The following LRP6 variants were observed in gnomAD, a reference collection of about 807,000 sequenced individuals.
The protein encoded by LRP6 is low-density lipoprotein receptor-related protein 6.
LRP6 carries 43 observed loss-of-function variants against 184.1 expected under a neutral mutation model. The observed-to-expected ratio is 0.23, with a 90% CI of 0.18 to 0.30. The LOEUF is 0.30. LRP6 is among the 10% of genes least tolerant of loss of function. The probability of loss-of-function intolerance (pLI) is 1.00; values close to 1 mark genes in which losing one functional copy is unlikely to be tolerated. For synonymous variants in LRP6, 719 were observed against 684.9 expected (o/e 1.05, Z -0.78); for missense variants, 1,571 against 2,005.3 (o/e 0.78, Z 4.14).
intron 1 of LRP6, among the ~76,000 whole-genome samples, chr12:12,251,765 T>C (rs1353608422): frequency 1.3e-5 from 2 of 152,330 alleles, no homozygotes; most frequent in East Asian, 3.9e-4. Flanking sequence ...CAGAATTTCC[T>C]GTGCTTAATG....
intron 2 of LRP6, among the ~76,000 whole-genome samples, chr12:12,237,912 G>GAATTAA (rs1864964677): frequency 6.6e-6 from 1 of 152,196 alleles, no homozygotes; most frequent in Non-Finnish European, 1.5e-5. Flanking sequence ...TTAGTTAACA[G>GAATTAA]TATTCTATCA....
At position 12,117,007 on chromosome 12, in the gene LRP6, T is replaced by G. The variant is rs765063188; in HGVS notation, c.*4119A>C. On this transcript the variant is annotated 3_prime_UTR_variant, in exon 23 of 23. Coordinates refer to ENST00000261349, the MANE Select transcript of LRP6 (RefSeq NM_002336.3). Reference sequence around the variant, plus strand: ...ATAATTTTATACTTGAGGTCCAAAGTCTTCTACCATAAAATGTTGAGAATT... The same window carrying G: ...ATAATTTTATACTTGAGGTCCAAAGGCTTCTACCATAAAATGTTGAGAATT... 2 of 152,160 alleles carry G rather than the reference T, an allele frequency of 1.3e-5. No individual in the cohort carries two copies. Among genetic ancestry groups the G allele is most frequent in the African/African-American group, 2.4e-5 (1 of 41,444 alleles). The allele number at this position is 152,160 out of a possible 1,614,324, so 9.4% of individuals were successfully genotyped here. A position where few individuals can be genotyped will look rare whatever the true frequency, so the allele number is the denominator to read the frequency against.
chr12:12,251,737 G>T (rs1865330645), intron 1 of LRP6, among the ~76,000 whole-genome samples: 1 of 152,112 alleles, frequency 6.6e-6, no homozygotes, highest in Non-Finnish European at 1.5e-5. Flanking sequence ...TCCACAGAAG[G>T]CAAAGATTGT....
At chr12:12,256,406 A>G (rs956865445) in intron 1 of LRP6, among the ~76,000 whole-genome samples, 16 of 152,066 alleles carry the variant, frequency 1.1e-4, no homozygotes, top group African/African-American at 3.9e-4. Flanking sequence ...AAAAATACAA[A>G]AACTTAGTTG....
At chr12:12,178,529 T>C (rs138327989) in intron 7 of LRP6, among the ~76,000 whole-genome samples, 5 of 152,220 alleles carry the variant, frequency 3.3e-5, no homozygotes, top group Non-Finnish European at 7.4e-5. Context: ...CACTCATGTA[T>C]AGTTCATAAT....
At chr12:12,135,123 T>TA in intron 17 of LRP6, 52 bp downstream of exon 17, 1 of 1,611,386 alleles carries the variant, frequency 6.2e-7, no homozygotes, top group Non-Finnish European at 8.5e-7. Context: ...AGGCTTAAGA[T>TA]ATGGAATATG....
At position 12,121,129 on chromosome 12, in the gene LRP6, G is replaced by A; in HGVS notation, c.4839C>T (p.Ser1613=). The change falls in exon 23 of 23, where the codon TCC becomes TCT. Residue 1613 remains serine, a synonymous_variant. Coordinates refer to ENST00000261349, the MANE Select transcript of LRP6 (RefSeq NM_002336.3). ...GTCAGAGGAGGAGGGCCCCTCCTCA[G>A]GAGGAGTCTGTACAGGGAGAGGGTG... ...PPPPSPCTDS[S] is the part of the protein sequence containing the mutation. The A allele has an allele frequency of 6.2e-7, 1 of 1,600,058 alleles. No individual in the cohort carries two copies. The highest frequency in any genetic ancestry group is 8.5e-7 in the Non-Finnish European group (1 of 1,170,284).
Position 12,203,224 on chromosome 12 carries a change from G to T in LRP6, c.626C>A (p.Ser209Ter). The change falls in exon 3 of 23, where the codon TCA becomes TAA. Residue 209 changes from serine to a stop codon, truncating the protein, a stop_gained. Coordinates refer to ENST00000261349, the MANE Select transcript of LRP6 (RefSeq NM_002336.3). LOFTEE classifies it high-confidence loss of function. Reference sequence around the variant, plus strand: ...TTACCGATTTGTTCCATCCAGATTTGATTTGTGGATGAAATTAAGTTTTGC... The same window carrying T: ...TTACCGATTTGTTCCATCCAGATTTTATTTGTGGATGAAATTAAGTTTTGC... ...ADAKLNFIHK[S>*]NLDGTNRQAV... 6.2e-7 allele frequency: 1 copy of T among 1,610,414 alleles called. No individual in the cohort carries two copies. The highest frequency in any genetic ancestry group is 1.1e-5 in the South Asian group (1 of 90,252).
intron 7 of LRP6, among the ~76,000 whole-genome samples, chr12:12,178,043 T>G (rs1041950785): frequency 1.4e-4 from 22 of 152,240 alleles, no homozygotes; most frequent in African/African-American, 5.3e-4. Context: ...TATATATGCA[T>G]AGCTCAAGAA....
rs1044255540 is a variant in LRP6 at position 12,186,623 on chromosome 12, G to C, written c.844+300C>G. On this transcript the variant is annotated intron_variant, in intron 4 of 22. Transcript: ENST00000261349. ...TCAAACTCCTGACCTCATATGATCT[G>C]CCTGCTTCAGTCTCCCAAAGTGCTG... Among the ~76,000 whole-genome samples the C allele has an allele frequency of 2.7e-5, 4 of 147,708 alleles. No individual in the cohort carries two copies. In the Admixed American group the frequency reaches 2.7e-4, roughly 10 times the overall value.
At chr12:12,157,442 A>G (rs1385307398) in intron 12 of LRP6, among the ~76,000 whole-genome samples, 4 of 152,160 alleles carry the variant, frequency 2.6e-5, no homozygotes, top group Non-Finnish European at 5.9e-5. Context: ...TTTAATCTTC[A>G]TAACAACCCT....
chr12:12,228,295 C>T (rs752031605), intron 2 of LRP6, among the ~76,000 whole-genome samples: 5 of 151,912 alleles, frequency 3.3e-5, no homozygotes, highest in Non-Finnish European at 5.9e-5. Context: ...ACCCGGGAGG[C>T]GGAGGTTGCG....
chr12:12,139,107 C>A (rs1002630146), intron 15 of LRP6: 98 of 833,364 alleles, frequency 1.2e-4, no homozygotes, highest in Non-Finnish European at 1.5e-4. Flanking sequence ...ATACCCCCCA[C>A]CCTGCTTTAT....
chr12:12,266,715 G>A lies in LRP6; in HGVS notation c.21C>T (p.Ser7=), dbSNP rs1352656699. Reference sequence around the variant, plus strand: ...GCACACAGAAGCTGCAGGCCAGGAGGCTCCTCAGGACGGCCCCCATCTTCC... The same window carrying A: ...GCACACAGAAGCTGCAGGCCAGGAGACTCCTCAGGACGGCCCCCATCTTCC... MGAVLR[S]LLACSFCVLL... The change falls in exon 1 of 23, where the codon AGC becomes AGT. Residue 7 remains serine (S), a synonymous_variant. Coordinates refer to ENST00000261349, the MANE Select transcript of LRP6 (RefSeq NM_002336.3). 7 of 1,613,644 alleles carry A rather than the reference G, an allele frequency of 4.3e-6. No individual in the cohort carries two copies. The Middle Eastern group carries it at 4.9e-4, about 114-fold the overall frequency.
intron 15 of LRP6, among the ~76,000 whole-genome samples, chr12:12,139,216 T>C (rs1156793655): frequency 6.6e-6 from 1 of 152,192 alleles, no homozygotes; most frequent in African/African-American, 2.4e-5. Context: ...TCCTAAGTCA[T>C]GAGTTCAGTC....
At position 12,266,886 on chromosome 12, in the gene LRP6, T is replaced by C; in HGVS notation, c.-151A>G. 1 of 721,470 alleles carries C rather than the reference T, an allele frequency of 1.4e-6. No individual in the cohort carries two copies. Among genetic ancestry groups the C allele is most frequent in the Non-Finnish European group, 2.4e-6 (1 of 414,108 alleles). The allele number at this position is 721,470 out of a possible 1,614,324, so 44.7% of individuals were successfully genotyped here. On this transcript the variant is annotated 5_prime_UTR_variant, in exon 1 of 23. Coordinates refer to ENST00000261349, the MANE Select transcript of LRP6 (RefSeq NM_002336.3). ...AAGAAAGAAAGGGGCACGTCAAGGT[T>C]CCGCGCGCGCCGCCGCCGCCCTCTC... is the stretch of plus-strand genomic sequence containing the variant.
chr12:12,171,340 C>T (rs1401227547), intron 7 of LRP6, among the ~76,000 whole-genome samples: 4 of 152,026 alleles, frequency 2.6e-5, no homozygotes, highest in African/African-American at 9.7e-5. Flanking sequence ...CATGGTGAAA[C>T]TCCATCTCTA....
chr12:12,230,038 T>C (rs1864740901), intron 2 of LRP6, among the ~76,000 whole-genome samples: 2 of 152,326 alleles, frequency 1.3e-5, no homozygotes, highest in African/African-American at 4.8e-5. Flanking sequence ...TCCACACAAA[T>C]GTAATTTTAT....
intron 1 of LRP6, among the ~76,000 whole-genome samples, chr12:12,246,863 TTG>T (rs1246245146): frequency 3.9e-5 from 6 of 152,194 alleles, no homozygotes; most frequent in African/African-American, 1.2e-4. Flanking sequence ...ACACTATAGA[TTG>T]TGTCTGTCAA....
Sources: allele counts gnomAD v4.1 joint callset (sites outside exome capture counted in the v4.1 genomes callset), GRCh38; gene constraint gnomAD v4.1.1; transcripts MANE v1.5; gene names NCBI Gene and HGNC (gene_info 2026-07-23, HGNC 2026-07-21).